Variants in PGM3 observed in about 807,000 individuals in gnomAD.
PGM3 encodes the protein phosphoacetylglucosamine mutase.
In PGM3, 40 loss-of-function variants were observed where a neutral mutation model predicts 66.2. The ratio of observed to expected loss-of-function variants is 0.60; its 90% CI spans 0.47 to 0.79. The LOEUF (loss-of-function observed/expected upper bound fraction) is 0.79, where lower values mean the gene tolerates loss of function less well. Among genes scored for constraint, PGM3 ranks in the 30% least tolerant of loss-of-function variants. The pLI is 0.00. For synonymous variants in PGM3, 191 were observed against 224.2 expected, an observed-to-expected ratio of 0.85 and a Z score of 1.32; for missense variants, 537 against 643.4, an observed-to-expected ratio of 0.83 and a Z score of 1.79.
intron 6 of PGM3, among the ~76,000 whole-genome samples, chr6:83,180,474 A>G (rs1475931067): frequency 2.0e-5 from 3 of 152,252 alleles, no homozygotes; most frequent in Admixed American, 6.5e-5. Context: ...AAAGTTGCTG[A>G]AATCTCAGCA....
chr6:83,176,823 T>C (rs551339214), intron 8 of PGM3, among the ~76,000 whole-genome samples: 8 of 152,332 alleles, frequency 5.3e-5, no homozygotes, highest in African/African-American at 1.4e-4. Context: ...TTTCTTAAAC[T>C]AGGTTATTTT....
At chr6:83,155,374 T>C in the PGM3 span, among the ~76,000 whole-genome samples, 1 of 151,856 alleles carries the variant, frequency 6.6e-6, no homozygotes, top group South Asian at 2.1e-4. Context: ...GGCAGGAGGA[T>C]TGCTTGAGCC....
chr6:83,171,876 T>G, intron 11 of PGM3, 61 bp downstream of exon 11: 1 of 1,247,754 alleles, frequency 8.0e-7, no homozygotes, highest in Non-Finnish European at 1.2e-6. Flanking sequence ...TAATGAGAAT[T>G]GGGATAATAG....
intron 6 of PGM3, among the ~76,000 whole-genome samples, chr6:83,180,989 A>G (rs1788138759): frequency 2.0e-5 from 3 of 152,344 alleles, no homozygotes; most frequent in South Asian, 4.1e-4. Context: ...ATTCCAATAT[A>G]TAAGAGAAGT....
chr6:83,166,097 C>T lies in PGM3; in HGVS notation c.*3137G>A. The T allele has an allele frequency of 2.6e-6, 1 of 378,172 alleles. No individual in the cohort carries two copies. Among genetic ancestry groups the T allele is most frequent in the Non-Finnish European group, 4.7e-6 (1 of 211,658 alleles). The allele number at this position is 378,172 out of a possible 1,614,324, so 23.4% of individuals were successfully genotyped here. A position where few individuals can be genotyped will look rare whatever the true frequency, so the allele number is the denominator to read the frequency against. The stretch of plus-strand genomic sequence containing the variant: ...ATCACAATCCGATAGAGAAATGATT[C>T]ATTATTGTTGCATAGAATAGAGAAA... On this transcript the variant is annotated 3_prime_UTR_variant, in exon 13 of 13. Coordinates refer to ENST00000513973, the MANE Select transcript of PGM3 (RefSeq NM_015599.3).
chr6:83,169,494 C>A, intron 12 of PGM3, 171 bp from the exon 13 acceptor site: 1 of 736,968 alleles, frequency 1.4e-6, no homozygotes, highest in East Asian at 2.8e-5. Flanking sequence ...ATTCCAAAGC[C>A]CTTAAATAAA....
chr6:83,153,371 TAAAA>T, the PGM3 span: 4 of 512,152 alleles, frequency 7.8e-6, no homozygotes. Context: ...CTCATTAACA[TAAAA>T]ATGATTCAGG....
At chr6:83,185,369 A>T (rs1788501067) in intron 4 of PGM3, among the ~76,000 whole-genome samples, 2 of 152,266 alleles carry the variant, frequency 1.3e-5, no homozygotes, top group Non-Finnish European at 2.9e-5. Flanking sequence ...ATGTCATGAC[A>T]CATAATGGGT....
the PGM3 span, chr6:83,151,986 A>G: frequency 6.8e-6 from 11 of 1,613,840 alleles, no homozygotes; most frequent in African/African-American, 1.3e-5. Flanking sequence ...CCTTCTCCCA[A>G]AATAATGGTA....
chr6:83,152,229 CACAT>C, the PGM3 span: 3 of 907,618 alleles, frequency 3.3e-6, no homozygotes, highest in East Asian at 2.9e-5. Context: ...CACACACACA[CACAT>C]AAAATTTATT....
chr6:83,183,831 TTC>T (rs1370776940), intron 4 of PGM3, among the ~76,000 whole-genome samples: 5 of 152,056 alleles, frequency 3.3e-5, no homozygotes, highest in Non-Finnish European at 7.4e-5. Context: ...CCTCAAGTGA[TTC>T]TCCTGCCAAG....
At chr6:83,159,260 G>T (rs1420404191), downstream of PGM3, among the ~76,000 whole-genome samples, 3 of 151,938 alleles carry the variant, frequency 2.0e-5, no homozygotes, top group South Asian at 2.1e-4. Flanking sequence ...TATATTTCTT[G>T]AACATAATAT....
At chr6:83,193,710 T>C, upstream of PGM3, 1 of 152,634 alleles carries the variant, frequency 6.6e-6, no homozygotes, top group Non-Finnish European at 1.5e-5. Context: ...CGAGGTCATC[T>C]CCCAAACCTT....
At chr6:83,164,136 T>C (rs1233607375), downstream of PGM3, among the ~76,000 whole-genome samples, 1 of 148,684 alleles carries the variant, frequency 6.7e-6, no homozygotes, top group Non-Finnish European at 1.5e-5. Flanking sequence ...TCAGAAATTT[T>C]CCAGTCTTCT....
intron 3 of PGM3, 86 bp downstream of exon 3, chr6:83,188,528 T>C: frequency 9.1e-7 from 1 of 1,104,340 alleles, no homozygotes; most frequent in South Asian, 1.5e-5. Flanking sequence ...TTTACTTCTT[T>C]CCATTTGTCT....
At position 83,178,758 on chromosome 6, in the gene PGM3, T is replaced by A; in HGVS notation, c.946-2A>T. The A allele has an allele frequency of 6.5e-7, 1 of 1,533,304 alleles. No homozygotes were observed. The highest frequency in any genetic ancestry group is 9.0e-7 in the Non-Finnish European group (1 of 1,106,516). The allele number at this position is 1,533,304 out of a possible 1,614,324, so 95.0% of individuals were successfully genotyped here. A position where few individuals can be genotyped will look rare whatever the true frequency, so the allele number is the denominator to read the frequency against. On this transcript the variant is annotated splice_acceptor_variant, in intron 7 of 12. Coordinates refer to ENST00000513973, the MANE Select transcript of PGM3 (RefSeq NM_015599.3). LOFTEE classifies it high-confidence loss of function. ...ACCAATATTCAAACTTTCTCCAATC[T>A]AGACAAAAACAATGATACTTAACTT...
chr6:83,191,564 A>T (rs1385590228), intron 1 of PGM3, among the ~76,000 whole-genome samples: 2 of 152,260 alleles, frequency 1.3e-5, no homozygotes, highest in Non-Finnish European at 2.9e-5. Context: ...AAAAGGCAAC[A>T]GTTTCTTCTC....
chr6:83,162,954 T>A, downstream of PGM3: 1 of 1,597,608 alleles, frequency 6.3e-7, no homozygotes, highest in South Asian at 1.1e-5. Context: ...TTGTTTTACA[T>A]CACTACATGT....
At chr6:83,183,086 T>C (rs1788315777) in intron 4 of PGM3, 108 bp from the exon 5 acceptor site, 1 of 954,636 alleles carries the variant, frequency 1.0e-6, no homozygotes. Flanking sequence ...TTTTGTGTCA[T>C]CTCAGACATC....
Sources: gnomAD v4.1 joint callset for allele counts (sites outside exome capture counted in the v4.1 genomes callset) on GRCh38, gnomAD v4.1.1 for gene constraint, MANE v1.5 for transcripts, NCBI Gene and HGNC (gene_info 2026-07-23, HGNC 2026-07-21) for gene names.